The following WDR37 variants were observed in gnomAD, a reference collection of about 807,000 sequenced individuals.
WDR37 encodes the protein WD repeat domain 37.
A neutral mutation model predicts 62.9 loss-of-function variants in WDR37; 19 were observed. That is an observed-to-expected ratio of 0.30 (90% confidence interval 0.21 to 0.44). The LOEUF (loss-of-function observed/expected upper bound fraction) is 0.44, where lower values mean the gene tolerates loss of function less well. WDR37 is among the 20% of genes least tolerant of loss of function. WDR37 has a pLI of 1.00. For synonymous variants in WDR37, 250 were observed against 260.9 expected, an observed-to-expected ratio of 0.96 and a Z score of 0.40; for missense variants, 474 against 657.6, an observed-to-expected ratio of 0.72 and a Z score of 3.05.
chr10:1,066,158 C>T (rs1249885309), intron 1 of WDR37, among the ~76,000 whole-genome samples: 2 of 152,030 alleles, frequency 1.3e-5, no homozygotes, highest in African/African-American at 4.8e-5. Flanking sequence ...CTCTGTCACC[C>T]AGGTTGGAGT....
chr10:1,076,243 G>A (rs1441065493), intron 2 of WDR37, among the ~76,000 whole-genome samples: 2 of 152,120 alleles, frequency 1.3e-5, no homozygotes, highest in Non-Finnish European at 2.9e-5. Context: ...GTGCGTGTGT[G>A]TGTGTGGTTT....
chr10:1,066,036 C>G (rs1589074976), intron 1 of WDR37, among the ~76,000 whole-genome samples: 1 of 149,516 alleles, frequency 6.7e-6, no homozygotes, highest in Non-Finnish European at 1.5e-5. Context: ...ACGTGGAAAC[C>G]AAAATAAAAG....
intron 1 of WDR37, among the ~76,000 whole-genome samples, chr10:1,063,141 A>C (rs1269221301): frequency 2.0e-5 from 3 of 151,950 alleles, no homozygotes; most frequent in Non-Finnish European, 4.4e-5. Context: ...TCCTTCGTAC[A>C]TTGGGACCAC....
intron 11 of WDR37, among the ~76,000 whole-genome samples, chr10:1,116,114 G>A (rs911371456): frequency 2.0e-4 from 31 of 152,244 alleles, no homozygotes; most frequent in African/African-American, 7.2e-4. Flanking sequence ...AGTGATGCTC[G>A]TTGCACGCAC....
At chr10:1,112,813 G>A (rs1489781801) in intron 11 of WDR37, among the ~76,000 whole-genome samples, 4 of 152,164 alleles carry the variant, frequency 2.6e-5, no homozygotes, top group African/African-American at 7.2e-5. Flanking sequence ...AGGGAGCTGC[G>A]GAAGAAAAGC....
At chr10:1,079,441 CG>C (rs1833963789) in intron 3 of WDR37, among the ~76,000 whole-genome samples, 1 of 148,716 alleles carries the variant, frequency 6.7e-6, no homozygotes, top group South Asian at 2.1e-4. Context: ...TGTTGAAATG[CG>C]GGTGCTGTCT....
intron 12 of WDR37, among the ~76,000 whole-genome samples, chr10:1,124,658 GTGTGTGTGTGT>G (rs1448013292): frequency 0.055 from 12 of 220 alleles, no homozygotes; most frequent in East Asian, 0.33. Flanking sequence ...CCATTGAGCA[GTGTGTGTGTGT>G]GTGTGTGTGT....
At chr10:1,066,666 G>A (rs923683290) in intron 1 of WDR37, among the ~76,000 whole-genome samples, 2 of 152,218 alleles carry the variant, frequency 1.3e-5, no homozygotes, top group Non-Finnish European at 2.9e-5. Context: ...AGATTTAATA[G>A]GAATCACTGT....
At position 1,061,838 on chromosome 10, in the gene WDR37, C is replaced by CAAA. The variant is rs34689634; in HGVS notation, c.-41+4883_-41+4885dup. 7.4e-3 allele frequency among the ~76,000 whole-genome samples: 1,028 copies of CAAA among 138,616 alleles called. 11 individuals are homozygous for CAAA. Among genetic ancestry groups the CAAA allele is most frequent in the African/African-American group, 0.017 (640 of 36,862 alleles). The allele number at this position is 138,616 out of a possible 152,430, so 90.9% of individuals were successfully genotyped here. ...CTGGGCAACAGTGGAGACGTCATCT[C>CAAA]AAAAAAAAAAAAAAATTACCTTCAG... On this transcript the variant is annotated intron_variant, in intron 1 of 13. Coordinates refer to ENST00000263150, the MANE Select transcript of WDR37 (RefSeq NM_014023.4).
At chr10:1,069,389 A>ATATATATATATATATATATATTT in intron 1 of WDR37, among the ~76,000 whole-genome samples, 8 of 95,776 alleles carry the variant, frequency 8.4e-5, no homozygotes, top group African/African-American at 2.3e-4. Context: ...ATATATATAT[A>ATATATATATATATATATATATTT]TTTTTTTTTT....
intron 2 of WDR37, among the ~76,000 whole-genome samples, chr10:1,076,000 G>A (rs1345763882): frequency 4.6e-5 from 7 of 152,090 alleles, no homozygotes; most frequent in Non-Finnish European, 1.0e-4. Flanking sequence ...GGCTGGTCTC[G>A]AACTCCTGAC....
intron 1 of WDR37, among the ~76,000 whole-genome samples, chr10:1,067,725 C>T (rs1833597184): frequency 6.6e-6 from 1 of 152,102 alleles, no homozygotes; most frequent in African/African-American, 2.4e-5. Context: ...CCTAACGGAA[C>T]AGCTAAATAA....
In WDR37 at chr10:1,124,220, C is replaced by T. The variant is rs1835671903; in HGVS notation, c.1106C>T (p.Thr369Ile). Reference protein sequence around the residue: ...SVNVFQGHTDTVTSAVFTVGD... With the variant: ...SVNVFQGHTDIVTSAVFTVGD... ...GACTCTGTGCCCTTTGTTCATAGCA[C>T]TGTGACTTCTGCCGTGTTCACCGTG... is the stretch of plus-strand genomic sequence containing the variant. The change falls in exon 12 of 14, where the codon ACT becomes ATT. Residue 369 changes from threonine (T) to isoleucine (I), a missense_variant and splice_region_variant. Thr to Ile is a moderately conservative substitution (Grantham distance 89). Coordinates refer to ENST00000263150, the MANE Select transcript of WDR37 (RefSeq NM_014023.4). 1.9e-6 allele frequency: 3 copies of T among 1,614,094 alleles called. No homozygotes were observed. The highest frequency in any genetic ancestry group is 1.3e-5 in the African/African-American group (1 of 74,930).
chr10:1,126,760 A>G (rs963904420), intron 13 of WDR37, among the ~76,000 whole-genome samples: 2 of 152,204 alleles, frequency 1.3e-5, no homozygotes, highest in Non-Finnish European at 2.9e-5. Context: ...CTCTCAGCGC[A>G]GCAACACCTT....
At chr10:1,074,905 A>C (rs1833826281) in intron 2 of WDR37, among the ~76,000 whole-genome samples, 1 of 152,288 alleles carries the variant, frequency 6.6e-6, no homozygotes, top group Non-Finnish European at 1.5e-5. Flanking sequence ...GTCCACGTGC[A>C]CACAGTGCTG....
At chr10:1,095,429 A>G (rs943398625) in intron 8 of WDR37, among the ~76,000 whole-genome samples, 3 of 152,056 alleles carry the variant, frequency 2.0e-5, no homozygotes, top group African/African-American at 7.2e-5. Flanking sequence ...TGGAGAGAGG[A>G]GAGTTAGACT....
Position 1,129,537 on chromosome 10 carries a change from T to C in WDR37, c.*193T>C. On this transcript the variant is annotated 3_prime_UTR_variant, in exon 14 of 14. Coordinates refer to ENST00000263150, the MANE Select transcript of WDR37 (RefSeq NM_014023.4). The stretch of plus-strand genomic sequence containing the variant: ...TGTGTGGTCGTATTTTTTACTTTTG[T>C]CTTGTATATGTATGTATATTGGGTC... The C allele has an allele frequency of 1.2e-6, 1 of 848,484 alleles. No homozygotes were observed. The highest frequency in any genetic ancestry group is 1.7e-6 in the Non-Finnish European group (1 of 578,090). The allele number at this position is 848,484 out of a possible 1,614,324, so 52.6% of individuals were successfully genotyped here. A position where few individuals can be genotyped will look rare whatever the true frequency, so the allele number is the denominator to read the frequency against.
At chr10:1,084,012 C>A (rs981986338) in intron 5 of WDR37, among the ~76,000 whole-genome samples, 2 of 152,198 alleles carry the variant, frequency 1.3e-5, no homozygotes, top group African/African-American at 4.8e-5. Flanking sequence ...GGATGTCCTT[C>A]CTGACTTTTT....
intron 3 of WDR37, among the ~76,000 whole-genome samples, chr10:1,079,480 C>T (rs1436797965): frequency 6.6e-6 from 1 of 152,050 alleles, no homozygotes; most frequent in Non-Finnish European, 1.5e-5. Flanking sequence ...GTGTCTTCCA[C>T]AGTGTAGCAA....
Sources: gnomAD v4.1 joint callset for allele counts (sites outside exome capture counted in the v4.1 genomes callset) on GRCh38, gnomAD v4.1.1 for gene constraint, MANE v1.5 for transcripts, NCBI Gene and HGNC (gene_info 2026-07-23, HGNC 2026-07-21) for gene names.